PHAX: variants seen among roughly 807,000 people sequenced by gnomAD.
PHAX encodes the protein phosphorylated adaptor for RNA export, also known as phosphorylated adapter RNA export protein.
PHAX carries 31 observed loss-of-function variants against 41.6 expected under a neutral mutation model. That is an observed-to-expected ratio of 0.75 (90% CI 0.56 to 1.01). PHAX has a LOEUF of 1.01. Ranked by LOEUF, PHAX falls within the 50% of genes least tolerant of loss-of-function variation. The pLI is 0.00. For synonymous variants in PHAX, 175 were observed against 164.9 expected (o/e 1.06, Z -0.47); for missense variants, 453 against 472.9 (o/e 0.96, Z 0.39).
rs536665853 is a variant in PHAX, at chr5:126,616,161, C to T, written c.832-1089C>T. Among the ~76,000 whole-genome samples the T allele has an allele frequency of 3.3e-5, 5 of 151,270 alleles. No individual in the cohort carries two copies. In the South Asian group the frequency reaches 8.4e-4, roughly 25 times the overall value. ...AGGCTAGAGTGCAATGGCACAGTCT[C>T]GGTTCACTGCAACCTCCACCTCCTG... is the stretch of plus-strand genomic sequence containing the variant. On this transcript the variant is annotated intron_variant, in intron 3 of 4. Transcript: ENST00000297540.
chr5:126,612,527 C>T (rs1418571762), intron 3 of PHAX, among the ~76,000 whole-genome samples: 1 of 152,002 alleles, frequency 6.6e-6, no homozygotes, highest in Non-Finnish European at 1.5e-5. Flanking sequence ...GGAGAAACCC[C>T]ATCTCTATTA....
Position 126,608,428 on chromosome 5 carries a change from A to G in PHAX, c.775A>G (p.Ile259Val). 1.2e-6 allele frequency: 2 copies of G among 1,614,042 alleles called. No homozygotes were observed. The highest frequency in any genetic ancestry group is 1.7e-6 in the Non-Finnish European group (2 of 1,179,926). ...GAGGATTATTGGTAACAAAAAGGCA[A>G]TTGAACTTCTGATGGAAACCGCTGA... Reference protein sequence around the residue: ...VVRIIGNKKAIELLMETAEVE... With the variant: ...VVRIIGNKKAVELLMETAEVE... Residue 259 changes from isoleucine to valine, a missense_variant, in exon 3 of 5, where the codon ATT becomes GTT. Coordinates refer to ENST00000297540, the MANE Select transcript of PHAX (RefSeq NM_032177.4).
intron 1 of PHAX, 143 bp downstream of exon 1, chr5:126,601,201 C>T: frequency 1.6e-6 from 1 of 609,078 alleles, no homozygotes; most frequent in Non-Finnish European, 2.9e-6. Context: ...GGTCAGTGGC[C>T]GCAGAAGGGG....
At chr5:126,611,441 T>C (rs1752097794) in intron 3 of PHAX, among the ~76,000 whole-genome samples, 1 of 152,132 alleles carries the variant, frequency 6.6e-6, no homozygotes, top group Non-Finnish European at 1.5e-5. Flanking sequence ...GGAGCTTATG[T>C]TGTGGTTGGG....
At chr5:126,620,985 C>T (rs983232284) in intron 4 of PHAX, among the ~76,000 whole-genome samples, 1 of 152,136 alleles carries the variant, frequency 6.6e-6, no homozygotes, top group Non-Finnish European at 1.5e-5. Context: ...ATCCACCCTC[C>T]TCGGCCTCCC....
At chr5:126,611,373 G>C (rs1752096093) in intron 3 of PHAX, among the ~76,000 whole-genome samples, 1 of 152,172 alleles carries the variant, frequency 6.6e-6, no homozygotes, top group Non-Finnish European at 1.5e-5. Context: ...ACTTTCTTTG[G>C]ATACATTATT....
intron 3 of PHAX, among the ~76,000 whole-genome samples, chr5:126,616,709 G>A (rs1433749148): frequency 6.6e-6 from 1 of 151,856 alleles, no homozygotes; most frequent in Non-Finnish European, 1.5e-5. Context: ...GCGAAACCCC[G>A]TTTCTACTAA....
intron 4 of PHAX, among the ~76,000 whole-genome samples, chr5:126,622,146 G>T (rs562180773): frequency 8.6e-4 from 130 of 151,638 alleles, no homozygotes; most frequent in Non-Finnish European, 1.5e-3. Flanking sequence ...TTGTTTGTTT[G>T]TTTTTTGAGA....
At chr5:126,614,594 C>T (rs57329515) in intron 3 of PHAX, among the ~76,000 whole-genome samples, 2 of 151,746 alleles carry the variant, frequency 1.3e-5, no homozygotes, top group Admixed American at 6.6e-5. Flanking sequence ...GTTTTATAAC[C>T]GTGTAAATAT....
intron 3 of PHAX, among the ~76,000 whole-genome samples, chr5:126,609,724 A>C (rs1463249409): frequency 6.7e-6 from 1 of 149,824 alleles, no homozygotes; most frequent in African/African-American, 2.5e-5. Flanking sequence ...AAAAAAAAAA[A>C]CAAAACACCC....
intron 4 of PHAX, among the ~76,000 whole-genome samples, chr5:126,618,053 A>G (rs1195404029): frequency 6.6e-6 from 1 of 152,018 alleles, no homozygotes; most frequent in East Asian, 1.9e-4. Context: ...TCCTGGGCTC[A>G]AGTAGTCCTC....
chr5:126,607,654 C>T (rs909143715), intron 2 of PHAX, among the ~76,000 whole-genome samples: 1 of 152,104 alleles, frequency 6.6e-6, no homozygotes, highest in East Asian at 1.9e-4. Flanking sequence ...CCACCCACCT[C>T]GGCCTCCCAA....
At chr5:126,605,395 T>G (rs1376132752) in intron 2 of PHAX, among the ~76,000 whole-genome samples, 1 of 152,126 alleles carries the variant, frequency 6.6e-6, no homozygotes, top group Admixed American at 6.6e-5. Context: ...TGTATTTTTC[T>G]GTTGGTTTTT....
chr5:126,609,831 C>G (rs1346997177), intron 3 of PHAX, among the ~76,000 whole-genome samples: 1 of 152,106 alleles, frequency 6.6e-6, no homozygotes, highest in Non-Finnish European at 1.5e-5. Context: ...CCTCCATCTC[C>G]CGAGTTCAAG....
chr5:126,614,475 G>T (rs1021059026), intron 3 of PHAX, among the ~76,000 whole-genome samples: 1 of 152,036 alleles, frequency 6.6e-6, no homozygotes, highest in African/African-American at 2.4e-5. Flanking sequence ...TAGGCAACCA[G>T]TTCACATGGT....
rs1236425868 is a variant in PHAX at position 126,625,670 on chromosome 5, A to G, written c.*826A>G. 2.6e-5 allele frequency: 4 copies of G among 151,976 alleles called. No homozygotes were observed. The highest frequency in any genetic ancestry group is 3.9e-4 in the East Asian group (2 of 5,188). 9.4% of individuals were successfully genotyped at this position (151,976 alleles called of 1,614,324 possible). Reference sequence around the variant, plus strand: ...CACTCATTTGTTTGTCCAGAAGTAAATAAATGTCGGAAGTTTTCCAAGTAA... The same window carrying G: ...CACTCATTTGTTTGTCCAGAAGTAAGTAAATGTCGGAAGTTTTCCAAGTAA... On this transcript the variant is annotated 3_prime_UTR_variant, in exon 5 of 5. Coordinates refer to ENST00000297540, the MANE Select transcript of PHAX (RefSeq NM_032177.4).
At chr5:126,612,014 A>C (rs115351762) in intron 3 of PHAX, among the ~76,000 whole-genome samples, 1,977 of 152,180 alleles carry the variant, frequency 0.013, 19 homozygotes, top group Middle Eastern at 0.034. Flanking sequence ...AAGGGTGCCC[A>C]GCAAGGCCAG....
Position 126,600,995 on chromosome 5 carries a change from G to A in PHAX, c.33G>A (p.Gly11=). ...TGGAGGTCGGCGATATGGAAGATGGGCAGCTTTCCGACTCGGATTCCGACA... is the reference window on the plus strand; with the variant it reads ...TGGAGGTCGGCGATATGGAAGATGGACAGCTTTCCGACTCGGATTCCGACA... MALEVGDMED[G]QLSDSDSDMT... The change falls in exon 1 of 5, where the codon GGG becomes GGA. Residue 11 remains glycine, a synonymous_variant. Transcript: ENST00000297540. The A allele has an allele frequency of 4.4e-6, 7 of 1,604,654 alleles. No homozygotes were observed. The highest frequency in any genetic ancestry group is 5.1e-6 in the Non-Finnish European group (6 of 1,175,744).
intron 3 of PHAX, among the ~76,000 whole-genome samples, chr5:126,613,279 G>A (rs1752134036): frequency 6.6e-6 from 1 of 152,156 alleles, no homozygotes; most frequent in African/African-American, 2.4e-5. Context: ...AACCTGGGAG[G>A]TGGAGGTTGC....
Sources: gnomAD v4.1 joint callset for allele counts (sites outside exome capture counted in the v4.1 genomes callset) on GRCh38, gnomAD v4.1.1 for gene constraint, MANE v1.5 for transcripts, NCBI Gene and HGNC (gene_info 2026-07-23, HGNC 2026-07-21) for gene names.